The following SCUBE1 variants were observed in gnomAD, a reference collection of about 807,000 sequenced individuals.
The protein encoded by SCUBE1 is signal peptide, CUB and EGF-like domain-containing protein 1.
SCUBE1 carries 59 observed loss-of-function variants against 124.4 expected under a neutral mutation model. That is an observed-to-expected ratio of 0.47 (90% CI 0.38 to 0.59). The LOEUF is 0.59. SCUBE1 is among the 20% of genes least tolerant of loss of function. SCUBE1 has a pLI of 0.00. For synonymous variants in SCUBE1, 545 were observed against 550.9 expected (o/e 0.99, Z 0.15); for missense variants, 1,150 against 1,371.2 (o/e 0.84, Z 2.55).
intron 2 of SCUBE1, among the ~76,000 whole-genome samples, chr22:43,337,157 A>G (rs1927109903): frequency 6.6e-6 from 1 of 152,202 alleles, no homozygotes; most frequent in Non-Finnish European, 1.5e-5. Flanking sequence ...CTTTTCTAGC[A>G]GGTGAGAACA....
chr22:43,308,365 G>T (rs545355175), intron 3 of SCUBE1, among the ~76,000 whole-genome samples: 2 of 152,312 alleles, frequency 1.3e-5, no homozygotes, highest in East Asian at 1.9e-4. Context: ...TAACGAAAGA[G>T]ACCAGGAAGA....
chr22:43,210,316 C>T lies in SCUBE1; in HGVS notation c.2384-76G>A. 1 of 1,311,288 alleles carries T rather than the reference C, an allele frequency of 7.6e-7. No individual in the cohort carries two copies. The highest frequency in any genetic ancestry group is 1.5e-5 in the South Asian group (1 of 65,938). The allele number at this position is 1,311,288 out of a possible 1,614,324, so 81.2% of individuals were successfully genotyped here. On this transcript the variant is annotated intron_variant, in intron 18 of 21. Transcript: ENST00000360835. This position sits in a 1 kb window ranked among gnomAD's most constrained non-coding sequence, Gnocchi z 4.5. ...CCTGGCCGGCCAGGCCTCTAACCAC[C>T]TGGGAGGCCTAGGGCAGGGCTGGAA...
rs563375149 is a variant in SCUBE1 at position 43,218,586 on chromosome 22, G to T, written c.1688-128C>A. 4.3e-6 allele frequency: 4 copies of T among 922,736 alleles called. No individual in the cohort carries two copies. The Admixed American group carries it at 8.6e-5, about 20-fold the overall frequency. 57.2% of individuals were successfully genotyped at this position (922,736 alleles called of 1,614,324 possible). On this transcript the variant is annotated intron_variant, in intron 14 of 21. Coordinates refer to ENST00000360835, the MANE Select transcript of SCUBE1 (RefSeq NM_173050.5). ...ACCTCCTCAGCACATTCTCACAACA[G>T]TCCTGGGGCAAGGGGCCACTGTCAT...
chr22:43,279,694 C>A (rs536781955), intron 4 of SCUBE1, among the ~76,000 whole-genome samples: 72 of 152,350 alleles, frequency 4.7e-4, no homozygotes, highest in Non-Finnish European at 7.9e-4. Flanking sequence ...CTCCTGGGCT[C>A]CCACAGCCCC....
rs185559243 is a variant in SCUBE1, at chr22:43,310,526, G to T, written c.349+9411C>A. Among the ~76,000 whole-genome samples the T allele has an allele frequency of 3.5e-4, 54 of 152,302 alleles. 1 individual carries two copies. Among genetic ancestry groups the T allele is most frequent in the African/African-American group, 1.2e-3 (51 of 41,564 alleles). ...GCTGTGAGCAAAGATGCTTCCAGAT[G>T]ATTCCAGTTCTTGGCTATCAAGTCA... On this transcript the variant is annotated intron_variant, in intron 3 of 21. Coordinates refer to ENST00000360835, the MANE Select transcript of SCUBE1 (RefSeq NM_173050.5).
chr22:43,284,270 T>C (rs1239400142), intron 4 of SCUBE1, among the ~76,000 whole-genome samples: 3 of 152,190 alleles, frequency 2.0e-5, no homozygotes, highest in East Asian at 1.9e-4. Context: ...AATCCTAAAC[T>C]GTAGGAAGAA....
At position 43,199,437 on chromosome 22, in the gene SCUBE1, G is replaced by A. The variant is rs1920971281; in HGVS notation, c.*4560C>T. 6.6e-6 allele frequency: 1 copy of A among 151,584 alleles called. No homozygotes were observed. The allele number at this position is 151,584 out of a possible 1,614,324, so 9.4% of individuals were successfully genotyped here. ...GAAAACTACGCTCGTTAGAGGTAGGGGAAATGGCTTCTCTCCCAAGGCCTT... is the reference window on the plus strand; with the variant it reads ...GAAAACTACGCTCGTTAGAGGTAGGAGAAATGGCTTCTCTCCCAAGGCCTT... On this transcript the variant is annotated 3_prime_UTR_variant, in exon 22 of 22. Coordinates refer to ENST00000360835, the MANE Select transcript of SCUBE1 (RefSeq NM_173050.5).
At chr22:43,262,425 C>T (rs1923905291) in intron 5 of SCUBE1, among the ~76,000 whole-genome samples, 1 of 152,206 alleles carries the variant, frequency 6.6e-6, no homozygotes, top group Non-Finnish European at 1.5e-5. Context: ...ACCTCTGTGC[C>T]ACGGCCCCAC....
chr22:43,203,527 C>A lies in SCUBE1; in HGVS notation c.*470G>T. 1 of 159,984 alleles carries A rather than the reference C, an allele frequency of 6.3e-6. No homozygotes were observed. The highest frequency in any genetic ancestry group is 1.9e-4 in the East Asian group (1 of 5,320). 9.9% of individuals were successfully genotyped at this position (159,984 alleles called of 1,614,324 possible). On this transcript the variant is annotated 3_prime_UTR_variant, in exon 22 of 22. Transcript: ENST00000360835. ...CCCGGAGCCGTGGCCTTGCCTGTGG[C>A]TGGAGGAGTTGGCAAAGCGTGGGGC...
chr22:43,303,114 G>T (rs149640861), intron 3 of SCUBE1, among the ~76,000 whole-genome samples: 1 of 152,356 alleles, frequency 6.6e-6, no homozygotes, highest in Admixed American at 6.5e-5. Context: ...CCTCGGTACC[G>T]TCGGAATTCT....
intron 2 of SCUBE1, among the ~76,000 whole-genome samples, chr22:43,325,458 A>AAG (rs1926694651): frequency 6.6e-6 from 1 of 151,624 alleles, no homozygotes; most frequent in Non-Finnish European, 1.5e-5. Flanking sequence ...AAAAAAAAAA[A>AAG]AAAAAAAAAA....
chr22:43,339,354 G>C (rs1186637459), intron 1 of SCUBE1, 119 bp from the exon 2 acceptor site: 3 of 925,566 alleles, frequency 3.2e-6, no homozygotes, highest in African/African-American at 3.3e-5. Context: ...GGGCTCATTG[G>C]CAATAACAGC....
chr22:43,287,365 T>C (rs532729275), intron 4 of SCUBE1, among the ~76,000 whole-genome samples: 6 of 152,278 alleles, frequency 3.9e-5, no homozygotes, highest in African/African-American at 1.4e-4. Flanking sequence ...ATGGGGAAAA[T>C]TCGACAGCTA....
At chr22:43,338,207 C>A (rs867611380) in intron 2 of SCUBE1, among the ~76,000 whole-genome samples, 4 of 152,200 alleles carry the variant, frequency 2.6e-5, no homozygotes, top group South Asian at 2.1e-4. Flanking sequence ...CTTGCAGAGT[C>A]CTGGCACCAA....
intron 3 of SCUBE1, among the ~76,000 whole-genome samples, chr22:43,313,566 C>T (rs1403940942): frequency 3.3e-5 from 5 of 152,186 alleles, no homozygotes; most frequent in Non-Finnish European, 5.9e-5. Flanking sequence ...TAATATTTTT[C>T]AAACAGAACT....
intron 4 of SCUBE1, among the ~76,000 whole-genome samples, chr22:43,285,486 T>C (rs1420827954): frequency 6.6e-6 from 1 of 152,010 alleles, no homozygotes; most frequent in Non-Finnish European, 1.5e-5. Context: ...ACGAGCACCA[T>C]GAGGCAGAAA....
chr22:43,232,039 G>A, intron 7 of SCUBE1, 164 bp from the exon 8 acceptor site: 2 of 719,464 alleles, frequency 2.8e-6, no homozygotes, highest in South Asian at 3.4e-5. Context: ...AGGGGTGGGG[G>A]CCCTGTCTCG....
intron 16 of SCUBE1, 134 bp from the exon 17 acceptor site, chr22:43,212,726 G>T: frequency 1.3e-6 from 1 of 795,180 alleles, no homozygotes; most frequent in South Asian, 1.7e-5. Context: ...CTGGGGTGGG[G>T]ACGGGGTGGG....
chr22:43,340,553 C>T (rs368557200), intron 1 of SCUBE1, among the ~76,000 whole-genome samples: 4 of 150,606 alleles, frequency 2.7e-5, no homozygotes, highest in East Asian at 2.0e-4. Context: ...AGGGAGGGGA[C>T]GTGCCTCTTG....
Sources: gnomAD v4.1 joint callset for allele counts (sites outside exome capture counted in the v4.1 genomes callset) on GRCh38, gnomAD v4.1.1 for gene constraint, Gnocchi (gnomAD v3.1) non-coding constraint, MANE v1.5 for transcripts, NCBI Gene and HGNC (gene_info 2026-07-23, HGNC 2026-07-21) for gene names.